Variants in ZNF487 observed in about 807,000 individuals in gnomAD.
ZNF487 encodes KRAB domain only 1.
A neutral mutation model predicts 3.0 loss-of-function variants in ZNF487; 4 were observed. The observed-to-expected ratio is 1.35, with a 90% CI of 0.66 to 3.08. The LOEUF is 3.08. ZNF487 is among the 30% of genes most tolerant of loss of function. ZNF487 has a pLI of 0.01. For missense variants in ZNF487, 146 were observed against 98.7 expected (o/e 1.48, Z -2.03); for synonymous variants, 55 against 34.6 (o/e 1.59, Z -2.06).
At chr10:43,448,180 G>A (rs1295501497) in intron 1 of ZNF487, among the ~76,000 whole-genome samples, 6 of 151,436 alleles carry the variant, frequency 4.0e-5, no homozygotes, top group South Asian at 2.1e-4. Flanking sequence ...TTGTAGAGAC[G>A]GGGTTTCACC....
chr10:43,514,699 A>C, the ZNF487 span, among the ~76,000 whole-genome samples: 1 of 152,168 alleles, frequency 6.6e-6, no homozygotes, highest in East Asian at 1.9e-4. Flanking sequence ...CTTGGGATCC[A>C]ATTATTCCCA....
Position 43,482,005 on chromosome 10 carries a change from G to A in ZNF487, c.*83G>A. The A allele has an allele frequency of 1.7e-6, 1 of 589,650 alleles. No homozygotes were observed. The highest frequency in any genetic ancestry group is 2.6e-4 in the Middle Eastern group (1 of 3,820). The allele number at this position is 589,650 out of a possible 1,614,324, so 36.5% of individuals were successfully genotyped here. A position where few individuals can be genotyped will look rare whatever the true frequency, so the allele number is the denominator to read the frequency against. ...AACTCACATAAGGAAGAGTCACCAT[G>A]AATTCAATGAATGTGAGAGGAGGTC... is the stretch of plus-strand genomic sequence containing the variant. On this transcript the variant is annotated 3_prime_UTR_variant, in exon 4 of 4. Transcript: ENST00000437590.
chr10:43,482,343 G>A lies in ZNF487; in HGVS notation c.*421G>A. On this transcript the variant is annotated 3_prime_UTR_variant, in exon 4 of 4. Transcript: ENST00000437590. ...GAAAAACTCTATGAATGTAGTGAATGTGGGAAAACCTTCAGCCATAAATCC... is the reference window on the plus strand; with the variant it reads ...GAAAAACTCTATGAATGTAGTGAATATGGGAAAACCTTCAGCCATAAATCC... The A allele has an allele frequency of 2.3e-6, 1 of 441,264 alleles. No individual in the cohort carries two copies. Among genetic ancestry groups the A allele is most frequent in the Non-Finnish European group, 4.6e-6 (1 of 219,476 alleles). The allele number at this position is 441,264 out of a possible 1,614,324, so 27.3% of individuals were successfully genotyped here.
intron 1 of ZNF487, among the ~76,000 whole-genome samples, chr10:43,467,559 G>A (rs1840751809): frequency 6.6e-6 from 1 of 151,820 alleles, no homozygotes; most frequent in African/African-American, 2.4e-5. Context: ...ACTCATGCCT[G>A]TAATCCCAGC....
chr10:43,454,711 G>A (rs2132069787), intron 1 of ZNF487: 1 of 152,258 alleles, frequency 6.6e-6, no homozygotes, highest in East Asian at 1.9e-4. Context: ...AGTCTGAAAA[G>A]CTGAGAAAAG....
At chr10:43,498,099 ATTTTTTTTTTTTTTCTT>A in the ZNF487 span, among the ~76,000 whole-genome samples, 3,609 of 19,882 alleles carry the variant, frequency 0.18, 299 homozygotes, top group Non-Finnish European at 0.21. Context: ...ATATATATAT[ATTTTTTTTTTTTTTCTT>A]TTTTTTTTTT....
At chr10:43,523,258 C>T in the ZNF487 span, 2 of 152,190 alleles carry the variant, frequency 1.3e-5, no homozygotes, top group East Asian at 1.9e-4. Context: ...GGAAAGTTGA[C>T]CTGATGGAGA....
downstream of ZNF487, among the ~76,000 whole-genome samples, chr10:43,485,904 G>C (rs1437851221): frequency 6.6e-6 from 1 of 152,018 alleles, no homozygotes; most frequent in African/African-American, 2.4e-5. Context: ...CCCCATTTAG[G>C]CTGTATTTAT....
rs577839468 is a variant in ZNF487 at position 43,466,099 on chromosome 10, A to T, written c.-93-9622A>T. Among the ~76,000 whole-genome samples the T allele has an allele frequency of 2.0e-5, 3 of 151,864 alleles. No individual in the cohort carries two copies. In the East Asian group the frequency reaches 5.8e-4, roughly 30 times the overall value. On this transcript the variant is annotated intron_variant, in intron 1 of 3. Transcript: ENST00000437590. ...GGCACTCGGCAGGCTGAAGCAGGAG[A>T]ATCAGGCAGGGAGGTTGCAGTGAGC... is the stretch of plus-strand genomic sequence containing the variant.
chr10:43,492,819 A>G, the ZNF487 span, among the ~76,000 whole-genome samples: 6 of 152,210 alleles, frequency 3.9e-5, no homozygotes, highest in Admixed American at 1.3e-4. Context: ...AAGCAGATTA[A>G]TGGATCTGTC....
chr10:43,471,786 A>G (rs1054219564), intron 1 of ZNF487, among the ~76,000 whole-genome samples: 5 of 152,078 alleles, frequency 3.3e-5, no homozygotes, highest in African/African-American at 1.2e-4. Context: ...TCTTTATAGC[A>G]CTCAGAATGG....
intron 3 of ZNF487, among the ~76,000 whole-genome samples, chr10:43,477,904 C>T (rs888398870): frequency 2.0e-5 from 3 of 150,670 alleles, no homozygotes; most frequent in Non-Finnish European, 4.4e-5. Flanking sequence ...GAGCAGAGAT[C>T]GCACTATTGT....
the ZNF487 span, among the ~76,000 whole-genome samples, chr10:43,516,432 T>G: frequency 6.6e-6 from 1 of 152,188 alleles, no homozygotes; most frequent in Non-Finnish European, 1.5e-5. Context: ...AAATCTGTAT[T>G]ACGGTTCTCT....
At chr10:43,520,000 T>A in the ZNF487 span, among the ~76,000 whole-genome samples, 2 of 152,226 alleles carry the variant, frequency 1.3e-5, no homozygotes, top group Non-Finnish European at 2.9e-5. Context: ...ACCTTGCATA[T>A]ATAATAAAGT....
the ZNF487 span, among the ~76,000 whole-genome samples, chr10:43,520,038 A>G: frequency 1.7e-3 from 253 of 152,252 alleles, 1 homozygote; most frequent in African/African-American, 6.0e-3. Flanking sequence ...TGTTACATAC[A>G]TTTTAGGTTA....
At chr10:43,499,535 GC>G in the ZNF487 span, among the ~76,000 whole-genome samples, 1 of 152,040 alleles carries the variant, frequency 6.6e-6, no homozygotes, top group Non-Finnish European at 1.5e-5. Context: ...GCCCACCTCA[GC>G]CTCCCAGAAA....
At chr10:43,457,571 A>AAAAAAG (rs1478287958) in intron 1 of ZNF487, among the ~76,000 whole-genome samples, 2 of 150,936 alleles carry the variant, frequency 1.3e-5, no homozygotes, top group Non-Finnish European at 3.0e-5. Context: ...AAAAAAAAAA[A>AAAAAAG]AAAAAGAAAA....
chr10:43,480,642 T>C (rs746339332), intron 3 of ZNF487, among the ~76,000 whole-genome samples: 6 of 151,920 alleles, frequency 3.9e-5, no homozygotes, highest in Admixed American at 6.6e-5. Flanking sequence ...TCTGGAACGC[T>C]TGACTTCAGG....
At chr10:43,501,736 T>A in the ZNF487 span, among the ~76,000 whole-genome samples, 1 of 150,692 alleles carries the variant, frequency 6.6e-6, no homozygotes. Flanking sequence ...AGTGAGACCC[T>A]GTCTCAAAAA....
Sources: allele counts gnomAD v4.1 joint callset (sites outside exome capture counted in the v4.1 genomes callset), GRCh38; gene constraint gnomAD v4.1.1; transcripts MANE v1.5; gene names NCBI Gene and HGNC (gene_info 2026-07-23, HGNC 2026-07-21).